AGBL1: variants seen among roughly 807,000 people sequenced by gnomAD.
AGBL1 encodes the protein AGBL carboxypeptidase 1, also known as cytosolic carboxypeptidase 4.
Under a neutral mutation model 118.9 loss-of-function variants are expected in AGBL1, and 130 were observed. The ratio of observed to expected loss-of-function variants is 1.09; its 90% confidence interval spans 0.95 to 1.26. AGBL1 has a LOEUF of 1.26. AGBL1 is among the 50% of genes most tolerant of loss of function. The probability of loss-of-function intolerance (pLI) is 0.00; values close to 1 mark genes in which losing one functional copy is unlikely to be tolerated. For synonymous variants in AGBL1, 555 were observed against 478.9 expected (o/e 1.16, Z -2.08); for missense variants, 1,584 against 1,298.1 (o/e 1.22, Z -3.38).
chr15:86,192,520 T>C (rs2077739592), intron 5 of AGBL1, among the ~76,000 whole-genome samples: 1 of 152,038 alleles, frequency 6.6e-6, no homozygotes. Context: ...ATTAAACAGA[T>C]CTGGTCATAC....
At chr15:86,261,915 C>T (rs2078992496) in intron 9 of AGBL1, among the ~76,000 whole-genome samples, 2 of 152,136 alleles carry the variant, frequency 1.3e-5, no homozygotes, top group African/African-American at 4.8e-5. Flanking sequence ...AGCTCCTCCC[C>T]AGGTCTCATA....
intron 5 of AGBL1, among the ~76,000 whole-genome samples, chr15:86,199,976 T>C (rs2077877493): frequency 6.6e-6 from 1 of 152,168 alleles, no homozygotes. Flanking sequence ...AACTGTCCTG[T>C]TTGCAAGAGC....
chr15:86,581,135 C>T (rs2084166651), intron 21 of AGBL1, among the ~76,000 whole-genome samples: 1 of 152,102 alleles, frequency 6.6e-6, no homozygotes, highest in Non-Finnish European at 1.5e-5. Flanking sequence ...AAATATTATT[C>T]AACAAATTAA....
chr15:86,133,959 C>T (rs1467806699), intron 1 of AGBL1, among the ~76,000 whole-genome samples: 1 of 152,146 alleles, frequency 6.6e-6, no homozygotes, highest in Non-Finnish European at 1.5e-5. Flanking sequence ...TCCATGCCAA[C>T]CCCCACCATT....
At chr15:86,879,179 A>C (rs1438770516) in intron 22 of AGBL1, among the ~76,000 whole-genome samples, 1 of 152,184 alleles carries the variant, frequency 6.6e-6, no homozygotes, top group Non-Finnish European at 1.5e-5. Context: ...TTTGGCCCTC[A>C]TCTCTTCAAG....
In AGBL1 at chr15:87,007,164, T is replaced by G. The variant is rs547567610; in HGVS notation, c.3323+19076T>G. Among the ~76,000 whole-genome samples the G allele has an allele frequency of 2.0e-5, 3 of 152,274 alleles. No individual in the cohort carries two copies. The South Asian group carries it at 6.2e-4, about 32-fold the overall frequency. ...GCCACTGAAGAAAAATTGTTTGGTA[T>G]TCATTTGAAATATACAGTACATTTT... On this transcript the variant is annotated intron_variant, in intron 24 of 24. Coordinates refer to the AGBL1 transcript ENST00000441037.
intron 17 of AGBL1, among the ~76,000 whole-genome samples, chr15:86,379,217 A>C (rs938215096): frequency 2.0e-5 from 3 of 150,912 alleles, no homozygotes; most frequent in Non-Finnish European, 4.4e-5. Flanking sequence ...CTGGCCGGTC[A>C]CTTTAGTTTA....
chr15:86,255,962 C>T (rs1305111649), intron 7 of AGBL1, among the ~76,000 whole-genome samples: 1 of 152,122 alleles, frequency 6.6e-6, no homozygotes, highest in Non-Finnish European at 1.5e-5. Flanking sequence ...TGGTGTGTAC[C>T]TAGCATCCAC....
At chr15:86,688,317 C>T (rs1383223585) in intron 22 of AGBL1, among the ~76,000 whole-genome samples, 24 of 151,812 alleles carry the variant, frequency 1.6e-4, no homozygotes, top group Admixed American at 1.6e-3. Flanking sequence ...AAGGAGGAGA[C>T]TAGAAGAAAC....
rs538960866 is a variant in AGBL1 at position 86,241,941 on chromosome 15, G to A, written c.527-5730G>A. ...GAATTGTAGCTCTCACAGTTCCCACGTGTCATGGGAGGGACCCAGTGGGAG... is the reference window on the plus strand; with the variant it reads ...GAATTGTAGCTCTCACAGTTCCCACATGTCATGGGAGGGACCCAGTGGGAG... On this transcript the variant is annotated intron_variant, in intron 6 of 22. Coordinates refer to ENST00000614907, the MANE Select transcript of AGBL1 (RefSeq NM_001386094.1). Among the ~76,000 whole-genome samples, 9 of 152,270 alleles carry A rather than the reference G, an allele frequency of 5.9e-5. No homozygotes were observed. The South Asian group carries it at 1.0e-3, about 18-fold the overall frequency.
intron 19 of AGBL1, among the ~76,000 whole-genome samples, chr15:86,530,525 C>A (rs2083334805): frequency 7.4e-6 from 1 of 135,992 alleles, no homozygotes; most frequent in Admixed American, 7.0e-5. Flanking sequence ...CTTTAACACC[C>A]CACTGTCAAC....
chr15:86,994,402 C>T (rs73449124), intron 24 of AGBL1, among the ~76,000 whole-genome samples: 9,813 of 151,882 alleles, frequency 0.065, 1,070 homozygotes, highest in African/African-American at 0.22. Context: ...GAGTGTTAGA[C>T]GCCAACTGGG....
chr15:86,895,962 A>G (rs1326777777), intron 22 of AGBL1, among the ~76,000 whole-genome samples: 1 of 151,958 alleles, frequency 6.6e-6, no homozygotes, highest in East Asian at 1.9e-4. Context: ...GTATCTTTTT[A>G]AATATTATCT....
rs141810321 is a variant in AGBL1 at position 86,143,586 on chromosome 15, G to A, written c.116-113G>A. 203 of 1,303,424 alleles carry A rather than the reference G, an allele frequency of 1.6e-4. 1 individual carries two copies. Among genetic ancestry groups the A allele is most frequent in the Admixed American group, 4.1e-4 (18 of 43,812 alleles). The allele number at this position is 1,303,424 out of a possible 1,614,324, so 80.7% of individuals were successfully genotyped here. A position where few individuals can be genotyped will look rare whatever the true frequency, so the allele number is the denominator to read the frequency against. The stretch of plus-strand genomic sequence containing the variant: ...TGCTTCAAGAACTACATAATTTTAC[G>A]TAGTTGAAATGAACTAATTCTTGCT... On this transcript the variant is annotated intron_variant, in intron 2 of 22. Transcript: ENST00000614907.
At chr15:86,652,896 G>A (rs955172798) in intron 21 of AGBL1, among the ~76,000 whole-genome samples, 3 of 152,042 alleles carry the variant, frequency 2.0e-5, no homozygotes. Flanking sequence ...AACTAGGTAC[G>A]GATGCAATGG....
intron 5 of AGBL1, among the ~76,000 whole-genome samples, chr15:86,222,029 G>T (rs140330871): frequency 9.0e-4 from 137 of 152,208 alleles, no homozygotes; most frequent in African/African-American, 3.2e-3. Context: ...CTAATCATCC[G>T]CAGGTCTCCT....
At chr15:86,660,687 T>C (rs1814072169) in intron 21 of AGBL1, among the ~76,000 whole-genome samples, 1 of 152,136 alleles carries the variant, frequency 6.6e-6, no homozygotes. Flanking sequence ...TGAATTATGA[T>C]TTTCTCTGCA....
chr15:86,866,523 G>A (rs2079632661), intron 22 of AGBL1, among the ~76,000 whole-genome samples: 1 of 152,150 alleles, frequency 6.6e-6, no homozygotes, highest in South Asian at 2.1e-4. Flanking sequence ...CCCAAAGGAG[G>A]CATTTTTCTA....
At chr15:86,553,975 C>T (rs1357927577) in intron 20 of AGBL1, among the ~76,000 whole-genome samples, 3 of 152,226 alleles carry the variant, frequency 2.0e-5, no homozygotes, top group African/African-American at 7.2e-5. Flanking sequence ...ATTCTCCTAC[C>T]TCAGCCTCCT....
Sources: gnomAD v4.1 joint callset for allele counts (sites outside exome capture counted in the v4.1 genomes callset) on GRCh38, gnomAD v4.1.1 for gene constraint, MANE v1.5 for transcripts, NCBI Gene and HGNC (gene_info 2026-07-23, HGNC 2026-07-21) for gene names.